Variants in DNAH11 observed in about 807,000 individuals in gnomAD.
DNAH11 encodes axonemal beta dynein heavy chain 11.
DNAH11 carries 442 observed loss-of-function variants against 526.0 expected under a neutral mutation model. The observed-to-expected ratio is 0.84, with a 90% CI of 0.78 to 0.91. The LOEUF is 0.91. DNAH11 is among the 40% of genes least tolerant of loss of function. The pLI is 0.00. For synonymous variants in DNAH11, 2,461 were observed against 1,935.9 expected (o/e 1.27, Z -7.12); for missense variants, 6,989 against 5,448.7 (o/e 1.28, Z -8.90).
chr7:21,779,417 T>C (rs566371584), intron 57 of DNAH11, among the ~76,000 whole-genome samples: 2 of 152,290 alleles, frequency 1.3e-5, no homozygotes, highest in South Asian at 2.1e-4. Flanking sequence ...AAGTCACCTC[T>C]GAGGTTTTTA....
Position 21,710,555 on chromosome 7 carries a change from T to G in DNAH11, c.6686T>G (p.Ile2229Ser). The G allele has an allele frequency of 6.2e-7, 1 of 1,604,524 alleles. No homozygotes were observed. Among genetic ancestry groups the G allele is most frequent in the Non-Finnish European group, 8.5e-7 (1 of 1,173,370 alleles). ...HATREWKDGK[I>S]VYSYFIGLFS... The stretch of plus-strand genomic sequence containing the variant: ...CACTCAACTACATTATATATTAGGA[T>G]TGTTTACTCTTATTTTATAGGTCTC... The change falls in exon 41 of 82, where the codon ATT becomes AGT. Residue 2229 changes from isoleucine (I) to serine (S), a missense_variant and splice_region_variant. By Grantham distance (142) the Ile-to-Ser change is moderately radical. Coordinates refer to ENST00000409508, the MANE Select transcript of DNAH11 (RefSeq NM_001277115.2).
intron 30 of DNAH11, among the ~76,000 whole-genome samples, chr7:21,663,757 C>T (rs1583574104): frequency 2.1e-5 from 3 of 145,798 alleles, no homozygotes; most frequent in African/African-American, 5.0e-5. Flanking sequence ...ACAGGATTTC[C>T]TTTTTTTTTT....
At chr7:21,572,343 AAC>A (rs1227268152) in intron 8 of DNAH11, among the ~76,000 whole-genome samples, 1 of 152,164 alleles carries the variant, frequency 6.6e-6, no homozygotes, top group Non-Finnish European at 1.5e-5. Context: ...GATTCACCTG[AAC>A]ACTTGCTTTC....
chr7:21,707,206 A>T (rs915924948), intron 39 of DNAH11, among the ~76,000 whole-genome samples: 1 of 152,210 alleles, frequency 6.6e-6, no homozygotes, highest in Admixed American at 6.5e-5. Flanking sequence ...CATTGGCATT[A>T]GCTGGGCCCT....
At chr7:21,866,430 C>T (rs768635261) in intron 70 of DNAH11, 40 bp from the exon 71 acceptor site, 2 of 1,554,820 alleles carry the variant, frequency 1.3e-6, no homozygotes, top group East Asian at 2.2e-5. Flanking sequence ...TGTAAAGTAT[C>T]GTTCACACCA....
At chr7:21,722,071 A>G (rs1784898114) in intron 44 of DNAH11, among the ~76,000 whole-genome samples, 1 of 152,192 alleles carries the variant, frequency 6.6e-6, no homozygotes, top group Non-Finnish European at 1.5e-5. Flanking sequence ...GCTTAGACTT[A>G]CCAAAGTGCA....
rs1238389932 is a variant in DNAH11 at position 21,773,774 on chromosome 7, CAAAG to C, written c.9113_9116del (p.Lys3038ThrfsTer14). The C allele has an allele frequency of 6.3e-7, 1 of 1,581,874 alleles. No homozygotes were observed. Among genetic ancestry groups the C allele is most frequent in the African/African-American group, 1.3e-5 (1 of 74,144 alleles). On this transcript the variant is annotated frameshift_variant, in exon 56 of 82. Coordinates refer to ENST00000409508, the MANE Select transcript of DNAH11 (RefSeq NM_001277115.2). LOFTEE classifies it high-confidence loss of function. ...AATGTTTGTGTTTTCAGCCAGTGCA[CAAAG>C]ACTCTATTAGCCTTTTCATGGCACA...
At chr7:21,688,629 T>G (rs570670278) in intron 34 of DNAH11, among the ~76,000 whole-genome samples, 1 of 152,204 alleles carries the variant, frequency 6.6e-6, no homozygotes, top group Non-Finnish European at 1.5e-5. Flanking sequence ...ATTTAATATA[T>G]CCAAAATAAA....
At chr7:21,588,330 T>A in intron 10 of DNAH11, 129 bp downstream of exon 10, 1 of 1,345,384 alleles carries the variant, frequency 7.4e-7, no homozygotes, top group Non-Finnish European at 1.0e-6. Flanking sequence ...TTTATTTAAC[T>A]GGTTTCCTCA....
At chr7:21,762,644 G>C (rs1786972821) in intron 54 of DNAH11, among the ~76,000 whole-genome samples, 1 of 152,098 alleles carries the variant, frequency 6.6e-6, no homozygotes, top group South Asian at 2.1e-4. Context: ...TGTAACTAGA[G>C]TTTTACATAA....
In DNAH11 at chr7:21,744,478, T is replaced by C. The variant is rs992236505; in HGVS notation, c.8195T>C (p.Leu2732Pro). The C allele has an allele frequency of 7.4e-6, 12 of 1,613,956 alleles. No homozygotes were observed. Among genetic ancestry groups the C allele is most frequent in the Non-Finnish European group, 1.0e-5 (12 of 1,179,830 alleles). Residue 2732 changes from leucine (L) to proline (P), a missense_variant, in exon 50 of 82, where the codon CTT (leucine) becomes CCT (proline). Leu to Pro is a moderately conservative substitution (Grantham distance 98). Transcript: ENST00000409508. ...TCTCCTGAGTGTTTAAAAGGTCCAC[T>C]TGATTTAATACATCTGTGGCTTCAT... ...FASPECLKGPLDLIHLWLHES... is the reference protein window; with the variant it reads ...FASPECLKGPPDLIHLWLHES...
intron 6 of DNAH11, among the ~76,000 whole-genome samples, chr7:21,566,205 A>G (rs774670726): frequency 6.6e-6 from 1 of 152,156 alleles, no homozygotes; most frequent in Non-Finnish European, 1.5e-5. Context: ...GTAAGCCTGT[A>G]AACTTCTCAT....
In DNAH11 at chr7:21,683,852, C is replaced by A. The variant is rs771062795; in HGVS notation, c.5529C>A (p.His1843Gln). ...ACCGATGGGAGGATACCCAGAAACA[C>A]TGCTTTGTTAATATTTGTGATGCCC... ...LRHRWEDTQK[H>Q]CFVNICDAQF... Residue 1843 changes from histidine (H) to glutamine (Q), a missense_variant, in exon 32 of 82, where the codon CAC becomes CAA. Transcript: ENST00000409508. The A allele has an allele frequency of 1.2e-6, 2 of 1,613,432 alleles. No individual in the cohort carries two copies. The highest frequency in any genetic ancestry group is 1.3e-5 in the African/African-American group (1 of 74,902).
chr7:21,552,879 C>T (rs536651548), intron 2 of DNAH11, among the ~76,000 whole-genome samples: 130 of 147,920 alleles, frequency 8.8e-4, no homozygotes, highest in African/African-American at 3.0e-3. Context: ...GGGTTAGGCA[C>T]CACAGGGTGG....
intron 66 of DNAH11, among the ~76,000 whole-genome samples, chr7:21,845,706 T>G (rs1782391805): frequency 6.6e-6 from 1 of 152,202 alleles, no homozygotes; most frequent in Admixed American, 6.5e-5. Context: ...TTCTGGATCT[T>G]ATGATTTTTA....
chr7:21,767,994 T>C (rs1299596489), intron 55 of DNAH11, among the ~76,000 whole-genome samples: 2 of 152,190 alleles, frequency 1.3e-5, no homozygotes, highest in Non-Finnish European at 2.9e-5. Flanking sequence ...CGTGTAATTT[T>C]CCATCAGTAC....
intron 25 of DNAH11, among the ~76,000 whole-genome samples, chr7:21,632,195 C>T (rs934705024): frequency 1.3e-5 from 2 of 152,190 alleles, no homozygotes; most frequent in Non-Finnish European, 2.9e-5. Context: ...CTAGGTAGCA[C>T]ACAGCACAGG....
At position 21,786,046 on chromosome 7, in the gene DNAH11, T is replaced by G. The variant is rs755420059; in HGVS notation, c.9598-578T>G. On this transcript the variant is annotated intron_variant, in intron 58 of 81. Coordinates refer to ENST00000409508, the MANE Select transcript of DNAH11 (RefSeq NM_001277115.2). The stretch of plus-strand genomic sequence containing the variant: ...ATACATATAATTTATACTATTAATA[T>G]CATCTGTTGGATTAATCAGTGGCAT... Among the ~76,000 whole-genome samples, 72 of 152,218 alleles carry G rather than the reference T, an allele frequency of 4.7e-4. 1 individual carries two copies. The highest frequency in any genetic ancestry group is 1.6e-3 in the Admixed American group (24 of 15,270).
At chr7:21,863,253 A>C (rs925794952) in intron 69 of DNAH11, among the ~76,000 whole-genome samples, 6 of 152,218 alleles carry the variant, frequency 3.9e-5, no homozygotes, top group African/African-American at 1.4e-4. Context: ...CAAAGAAGGC[A>C]CTTTATACAT....
Sources: allele counts gnomAD v4.1 joint callset (sites outside exome capture counted in the v4.1 genomes callset), GRCh38; gene constraint gnomAD v4.1.1; transcripts MANE v1.5; gene names NCBI Gene and HGNC (gene_info 2026-07-23, HGNC 2026-07-21).